The following CDK8 variants were observed in gnomAD, a reference collection of about 807,000 sequenced individuals.
CDK8 encodes cyclin dependent kinase 8.
CDK8 carries 29 observed loss-of-function variants against 71.5 expected under a neutral mutation model. That is an observed-to-expected ratio of 0.41 (90% CI 0.30 to 0.55). The LOEUF (loss-of-function observed/expected upper bound fraction) is 0.55. CDK8 is among the 20% of genes least tolerant of loss of function. The pLI is 0.37. For missense variants in CDK8, 288 were observed against 572.6 expected, an observed-to-expected ratio of 0.50 and a Z score of 5.07; for synonymous variants, 161 against 192.1, an observed-to-expected ratio of 0.84 and a Z score of 1.34.
intron 4 of CDK8, among the ~76,000 whole-genome samples, chr13:26,374,152 G>A (rs1485167724): frequency 6.6e-6 from 1 of 151,866 alleles, no homozygotes; most frequent in Non-Finnish European, 1.5e-5. Flanking sequence ...AGTGATCGGA[G>A]ATCACGCGAC....
rs115837193 is a variant in CDK8, at chr13:26,378,842, G to A, written c.457-3972G>A. ...CCAAATTCTGCTACTGATAGACGAG[G>A]AAGAAAAGGAAAGAAGTATATATCA... On this transcript the variant is annotated intron_variant, in intron 4 of 12. Transcript: ENST00000381527. Among the ~76,000 whole-genome samples the A allele has an allele frequency of 8.2e-4, 125 of 152,300 alleles. 1 individual carries two copies. The highest frequency in any genetic ancestry group is 2.9e-3 in the African/African-American group (120 of 41,562).
chr13:26,355,809 C>T (rs1240852723), intron 4 of CDK8, among the ~76,000 whole-genome samples: 1 of 151,866 alleles, frequency 6.6e-6, no homozygotes, highest in African/African-American at 2.4e-5. Context: ...ATTTTTTTCC[C>T]CGTAGAGTCA....
chr13:26,269,130 C>T (rs1437359665), intron 1 of CDK8, among the ~76,000 whole-genome samples: 1 of 152,166 alleles, frequency 6.6e-6, no homozygotes, highest in African/African-American at 2.4e-5. Context: ...AACAGAAGTA[C>T]TCATTCATGT....
intron 4 of CDK8, among the ~76,000 whole-genome samples, chr13:26,361,783 C>CTTTTTTTTTTTTTTTTTTTTT (rs1201582663): frequency 8.9e-6 from 1 of 112,226 alleles, no homozygotes. Context: ...TTTTCTTTTC[C>CTTTTTTTTTTTTTTTTTTTTT]CTTTTTTTTT....
chr13:26,357,229 T>C (rs1190227748), intron 4 of CDK8, among the ~76,000 whole-genome samples: 2 of 152,132 alleles, frequency 1.3e-5, no homozygotes, highest in Non-Finnish European at 2.9e-5. Flanking sequence ...GCATCCTTGG[T>C]GGGAAAATAG....
chr13:26,353,515 G>A (rs1873768665), intron 3 of CDK8, among the ~76,000 whole-genome samples: 1 of 151,466 alleles, frequency 6.6e-6, no homozygotes, highest in South Asian at 2.1e-4. Flanking sequence ...TCCCTATTGT[G>A]ATAATTTATC....
chr13:26,401,939 T>C lies in CDK8; in HGVS notation c.1269+315T>C, dbSNP rs1593316078. On this transcript the variant is annotated intron_variant, in intron 12 of 12. Transcript: ENST00000381527. This position sits in a 1 kb window ranked among gnomAD's most constrained non-coding sequence, Gnocchi z 4.5. ...CTAGTAAAACCTAACTTGCAGCTGT[T>C]GTCAGATTAGACATGAAGTGGCTTG... 6.6e-6 allele frequency among the ~76,000 whole-genome samples: 1 copy of C among 152,354 alleles called. No individual in the cohort carries two copies. Among genetic ancestry groups the C allele is most frequent in the East Asian group, 1.9e-4 (1 of 5,186 alleles).
chr13:26,358,061 G>A (rs982622213), intron 4 of CDK8, among the ~76,000 whole-genome samples: 4 of 152,042 alleles, frequency 2.6e-5, no homozygotes, highest in East Asian at 1.9e-4. Flanking sequence ...CAGCACTTTG[G>A]GAGGCGGGCA....
intron 1 of CDK8, among the ~76,000 whole-genome samples, chr13:26,274,586 C>T (rs1872488247): frequency 6.6e-6 from 1 of 151,926 alleles, no homozygotes; most frequent in East Asian, 1.9e-4. Flanking sequence ...CGCCCGCCAC[C>T]ACGCCTGGCT....
intron 4 of CDK8, among the ~76,000 whole-genome samples, chr13:26,378,124 C>G (rs1198467093): frequency 2.6e-5 from 4 of 152,186 alleles, no homozygotes; most frequent in Non-Finnish European, 4.4e-5. Flanking sequence ...AAAGTTATTG[C>G]CGTTAACTTG....
chr13:26,305,813 T>C (rs369777205), intron 1 of CDK8, among the ~76,000 whole-genome samples: 21 of 152,330 alleles, frequency 1.4e-4, no homozygotes, highest in African/African-American at 4.8e-4. Flanking sequence ...ATCTGTGTTC[T>C]ATCTTGAGGT....
intron 2 of CDK8, among the ~76,000 whole-genome samples, chr13:26,346,219 G>A (rs191780212): frequency 6.6e-6 from 1 of 152,272 alleles, no homozygotes; most frequent in South Asian, 2.1e-4. Flanking sequence ...ATTTCATGGG[G>A]CTAATTCATG....
intron 4 of CDK8, among the ~76,000 whole-genome samples, chr13:26,371,245 A>G (rs886474123): frequency 4.6e-5 from 7 of 152,214 alleles, no homozygotes; most frequent in African/African-American, 2.4e-5. Flanking sequence ...AGCCTTTCAT[A>G]TAAGTCACAT....
intron 6 of CDK8, among the ~76,000 whole-genome samples, 194 bp downstream of exon 6, chr13:26,385,536 G>A (rs1027174746): frequency 1.3e-5 from 2 of 152,096 alleles, no homozygotes; most frequent in Non-Finnish European, 2.9e-5. Flanking sequence ...GTAGTTTTGA[G>A]ACCAGCCTGG....
rs187681946 is a variant in CDK8, at chr13:26,339,005, G to A, written c.204+1363G>A. 1.3e-3 allele frequency among the ~76,000 whole-genome samples: 202 copies of A among 152,108 alleles called. 1 individual carries two copies. Among genetic ancestry groups the A allele is most frequent in the African/African-American group, 4.7e-3 (196 of 41,542 alleles). On this transcript the variant is annotated intron_variant, in intron 2 of 12. Coordinates refer to ENST00000381527, the MANE Select transcript of CDK8 (RefSeq NM_001260.3). The stretch of plus-strand genomic sequence containing the variant: ...TAGAAAAAAACTCAGTTCAGAAACA[G>A]CTATTATCTTTGCATATATCGTGAT...
At chr13:26,364,882 A>G (rs991196100) in intron 4 of CDK8, among the ~76,000 whole-genome samples, 2 of 152,206 alleles carry the variant, frequency 1.3e-5, no homozygotes, top group African/African-American at 4.8e-5. Flanking sequence ...GCAGAGCAGT[A>G]GTCATGGAAC....
intron 4 of CDK8, among the ~76,000 whole-genome samples, chr13:26,364,855 C>A (rs999725449): frequency 1.3e-5 from 2 of 152,034 alleles, no homozygotes; most frequent in Non-Finnish European, 2.9e-5. Context: ...TGAAATTACC[C>A]ATAGACTAAA....
At chr13:26,320,772 G>C (rs1302574819) in intron 1 of CDK8, among the ~76,000 whole-genome samples, 1 of 152,086 alleles carries the variant, frequency 6.6e-6, no homozygotes, top group Non-Finnish European at 1.5e-5. Flanking sequence ...TACATACAAA[G>C]GTACTCAACA....
chr13:26,353,955 C>T, intron 4 of CDK8, 75 bp downstream of exon 4: 1 of 1,292,644 alleles, frequency 7.7e-7, no homozygotes, highest in Non-Finnish European at 1.1e-6. Context: ...TCTGTAGATA[C>T]CAGTGCTATA....
Sources: gnomAD v4.1 joint callset for allele counts (sites outside exome capture counted in the v4.1 genomes callset) on GRCh38, gnomAD v4.1.1 for gene constraint, Gnocchi (gnomAD v3.1) non-coding constraint, MANE v1.5 for transcripts, NCBI Gene and HGNC (gene_info 2026-07-23, HGNC 2026-07-21) for gene names.